SETD5: variants seen among roughly 807,000 people sequenced by gnomAD.
SETD5 encodes SET domain containing 5, also known as histone-lysine N-methyltransferase SETD5.
In SETD5, 44 loss-of-function variants were observed where a neutral mutation model predicts 153.3. The ratio of observed to expected loss-of-function variants is 0.29; its 90% CI spans 0.23 to 0.37. The LOEUF (loss-of-function observed/expected upper bound fraction) is 0.37. SETD5 is among the 10% of genes least tolerant of loss of function. The pLI is 1.00. For synonymous variants in SETD5, 716 were observed against 645.2 expected (o/e 1.11, Z -1.66); for missense variants, 1,544 against 1,768.0 (o/e 0.87, Z 2.27).
In SETD5 at chr3:9,477,161, G is replaced by T. The variant is rs1456906957; in HGVS notation, c.*1070G>T. The T allele has an allele frequency of 6.5e-6, 1 of 152,682 alleles. No individual in the cohort carries two copies. The highest frequency in any genetic ancestry group is 6.5e-5 in the Admixed American group (1 of 15,270). 9.5% of individuals were successfully genotyped at this position (152,682 alleles called of 1,614,324 possible). A position where few individuals can be genotyped will look rare whatever the true frequency, so the allele number is the denominator to read the frequency against. On this transcript the variant is annotated 3_prime_UTR_variant, in exon 23 of 23. Coordinates refer to ENST00000402198, the MANE Select transcript of SETD5 (RefSeq NM_001080517.3). ...CCACATTTCTCTGGGGGATGCTTAT[G>T]TGAGAGTGGGCCCAGTGAAAGAGTT...
At position 9,447,746 on chromosome 3, in the gene SETD5, C is replaced by T. The variant is rs762124529; in HGVS notation, c.1843C>T (p.Pro615Ser). The T allele has an allele frequency of 6.2e-7, 1 of 1,613,928 alleles. No homozygotes were observed. Among genetic ancestry groups the T allele is most frequent in the Non-Finnish European group, 8.5e-7 (1 of 1,179,896 alleles). ...PPPAKPSRPR[P>S]KSRISRYRTS... ...TCCAGCAAAGCCTTCTAGGCCCCGG[C>T]CGAAGAGTCGAATTTCTCGGTACAG... is the stretch of plus-strand genomic sequence containing the variant. The change falls in exon 15 of 23, where the codon CCG becomes TCG. Residue 615 changes from proline to serine, a missense_variant. Physicochemically the swap from Pro to Ser is moderately conservative, Grantham distance 74. This residue lies in a region of SETD5 where 782 missense variants were observed against 787.2 expected (regional missense o/e 0.99). Transcript: ENST00000402198.
chr3:9,473,661 C>A, intron 20 of SETD5, 124 bp downstream of exon 20: 1 of 956,124 alleles, frequency 1.0e-6, no homozygotes, highest in African/African-American at 1.6e-5. Flanking sequence ...GACAGCCAGC[C>A]AACAGTACCA....
chr3:9,473,432 C>T lies in SETD5; in HGVS notation c.3392C>T (p.Ser1131Phe), dbSNP rs1403090606. 3 of 1,613,852 alleles carry T rather than the reference C, an allele frequency of 1.9e-6. No homozygotes were observed. In the African/African-American group the frequency reaches 4.0e-5, roughly 22 times the overall value. The change falls in exon 20 of 23, where the codon TCC becomes TTC. Residue 1131 changes from serine to phenylalanine, a missense_variant. Physicochemically the swap from Ser to Phe is radical, Grantham distance 155. Coordinates refer to ENST00000402198, the MANE Select transcript of SETD5 (RefSeq NM_001080517.3). ...CCATCTTCCCCTCACAAAAAATTCT[C>T]CCCATCTCATTCCTCTATGTCCCAT... ...RTPSSPHKKF[S>F]PSHSSMSHLE...
At chr3:9,442,419 A>G (rs2041406663) in intron 10 of SETD5, among the ~76,000 whole-genome samples, 174 bp downstream of exon 10, 1 of 152,228 alleles carries the variant, frequency 6.6e-6, no homozygotes, top group Admixed American at 6.5e-5. Context: ...AATGGGCGCA[A>G]GGAAAGAGTT....
intron 13 of SETD5, 22 bp downstream of exon 13, chr3:9,445,762 T>G: frequency 6.4e-7 from 1 of 1,563,578 alleles, no homozygotes; most frequent in Non-Finnish European, 8.7e-7. Flanking sequence ...CTGACATTAC[T>G]TTGCTCCTTC....
At chr3:9,414,584 GTCTTGGCTAAATA>G (rs1008751147) in intron 1 of SETD5, among the ~76,000 whole-genome samples, 3 of 152,116 alleles carry the variant, frequency 2.0e-5, no homozygotes, top group Non-Finnish European at 4.4e-5. Flanking sequence ...GTTTAGTCCT[GTCTTGGCTAAATA>G]GGTAATGGTC....
intron 11 of SETD5, among the ~76,000 whole-genome samples, chr3:9,443,805 C>A (rs539245284): frequency 6.6e-6 from 1 of 152,304 alleles, no homozygotes; most frequent in African/African-American, 2.4e-5. Context: ...GGCTCACAGG[C>A]CTGTAATCTC....
rs200900982 is a variant in SETD5 at position 9,443,392 on chromosome 3, G to C, written c.1162G>C (p.Ala388Pro). 2.3e-5 allele frequency: 34 copies of C among 1,461,172 alleles called. No individual in the cohort carries two copies. The African/African-American group carries it at 4.5e-4, about 19-fold the overall frequency. 90.5% of individuals were successfully genotyped at this position (1,461,172 alleles called of 1,614,324 possible). Residue 388 changes from alanine (A) to proline (P), a missense_variant, in exon 11 of 23, where the codon GCA (alanine) becomes CCA (proline). Ala to Pro is a conservative substitution (Grantham distance 27). Transcript: ENST00000402198. ...CACCAAGGATGCTGAGGTCACCATA[G>C]CATTTGATTATGAGTATAGTAACTG... is the stretch of plus-strand genomic sequence containing the variant. Reference protein sequence around the residue: ...AITKDAEVTIAFDYEYSNCNY... With the variant: ...AITKDAEVTIPFDYEYSNCNY...
intron 1 of SETD5, among the ~76,000 whole-genome samples, chr3:9,419,211 C>G (rs866098166): frequency 6.6e-6 from 1 of 152,162 alleles, no homozygotes; most frequent in South Asian, 2.1e-4. Context: ...TGCAAGTTGC[C>G]TACCCTTTTC....
chr3:9,464,474 G>T lies in SETD5; in HGVS notation c.2526G>T (p.Gln842His). 6.2e-7 allele frequency: 1 copy of T among 1,613,958 alleles called. No homozygotes were observed. Among genetic ancestry groups the T allele is most frequent in the East Asian group, 2.2e-5 (1 of 44,880 alleles). Reference sequence around the variant, plus strand: ...GGAAGTCTCGCTATCTGATGGAGCAGAATGTCACCAAGTTACTTCGGCCTC... The same window carrying T: ...GGAAGTCTCGCTATCTGATGGAGCATAATGTCACCAAGTTACTTCGGCCTC... ...KKWKSRYLMEQNVTKLLRPLS... is the reference protein window; with the variant it reads ...KKWKSRYLMEHNVTKLLRPLS... The change falls in exon 18 of 23, where the codon CAG becomes CAT. Residue 842 changes from glutamine to histidine, a missense_variant. Physicochemically the swap from Gln to His is conservative, Grantham distance 24 (BLOSUM62 0). Coordinates refer to ENST00000402198, the MANE Select transcript of SETD5 (RefSeq NM_001080517.3).
intron 16 of SETD5, among the ~76,000 whole-genome samples, chr3:9,451,368 A>T (rs938643656): frequency 8.5e-5 from 13 of 152,206 alleles, no homozygotes; most frequent in African/African-American, 3.1e-4. Flanking sequence ...AAATTTATAT[A>T]TCCAGAAGCT....
At chr3:9,435,313 A>G (rs953258094) in intron 6 of SETD5, among the ~76,000 whole-genome samples, 2 of 151,978 alleles carry the variant, frequency 1.3e-5, no homozygotes, top group Non-Finnish European at 1.5e-5. Context: ...CTCTTTTCAC[A>G]GAAAGAGATA....
Position 9,475,108 on chromosome 3 carries a change from A to T in SETD5, c.3672A>T (p.Ala1224=). 5 of 1,592,060 alleles carry T rather than the reference A, an allele frequency of 3.1e-6. No homozygotes were observed. Among genetic ancestry groups the T allele is most frequent in the African/African-American group, 1.3e-5 (1 of 74,506 alleles). ...DGEGPETLSS[A]LSKGATVYSP... is the part of the protein sequence containing the mutation. Reference sequence around the variant, plus strand: ...AAGGCCCAGAGACATTAAGCTCAGCACTCTCTAAAGGAGCAACAGTTTACA... The same window carrying T: ...AAGGCCCAGAGACATTAAGCTCAGCTCTCTCTAAAGGAGCAACAGTTTACA... Residue 1224 remains alanine, a synonymous_variant, in exon 22 of 23, where the codon GCA becomes GCT. Coordinates refer to ENST00000402198, the MANE Select transcript of SETD5 (RefSeq NM_001080517.3).
At chr3:9,403,719 T>C (rs562650400) in intron 1 of SETD5, among the ~76,000 whole-genome samples, 2 of 152,218 alleles carry the variant, frequency 1.3e-5, no homozygotes, top group South Asian at 4.1e-4. Flanking sequence ...ACAAGTGGGA[T>C]AGTTGCATCC....
intron 1 of SETD5, chr3:9,423,078 C>G (rs1264759822): frequency 1.3e-5 from 2 of 152,250 alleles, no homozygotes; most frequent in Non-Finnish European, 2.9e-5. Flanking sequence ...CTGTCTGATG[C>G]AATTTCTTCT....
intron 1 of SETD5, among the ~76,000 whole-genome samples, chr3:9,422,913 C>G (rs989683250): frequency 5.3e-5 from 8 of 152,216 alleles, no homozygotes; most frequent in African/African-American, 1.9e-4. Context: ...AATACAAAGA[C>G]TGTCTGAAGC....
At chr3:9,418,666 G>A (rs1404666527) in intron 1 of SETD5, among the ~76,000 whole-genome samples, 1 of 151,754 alleles carries the variant, frequency 6.6e-6, no homozygotes, top group African/African-American at 2.4e-5. Context: ...AGCTGGGTGT[G>A]GTGGTGGGCA....
intron 1 of SETD5, among the ~76,000 whole-genome samples, chr3:9,415,958 C>T (rs1042251652): frequency 3.4e-4 from 51 of 151,330 alleles, no homozygotes; most frequent in African/African-American, 1.1e-3. Context: ...CACTGCAAGC[C>T]ACCCACCGAG....
intron 16 of SETD5, among the ~76,000 whole-genome samples, chr3:9,452,659 A>ATTTTTTTTTTTTTT (rs1164278885): frequency 6.7e-5 from 4 of 59,820 alleles, no homozygotes; most frequent in African/African-American, 7.2e-5. Flanking sequence ...ATGATGTAAG[A>ATTTTTTTTTTTTTT]TTTTTTTTTT....
Sources: gnomAD v4.1 joint callset for allele counts (sites outside exome capture counted in the v4.1 genomes callset) on GRCh38, gnomAD v4.1.1 for gene constraint, gnomAD v4.1.1 regional missense constraint, MANE v1.5 for transcripts, NCBI Gene and HGNC (gene_info 2026-07-23, HGNC 2026-07-21) for gene names.